The following KLRG1 variants were observed in gnomAD, a reference collection of about 807,000 sequenced individuals.
KLRG1 encodes killer cell lectin like receptor G1, also known as killer cell lectin-like receptor subfamily G member 1.
KLRG1 carries 16 observed loss-of-function variants against 21.8 expected under a neutral mutation model. The ratio of observed to expected loss-of-function variants is 0.73; its 90% CI spans 0.50 to 1.11. KLRG1 has a LOEUF of 1.11. Ranked by LOEUF, KLRG1 falls within the 50% of genes most tolerant of loss-of-function variation. The pLI, the probability that KLRG1 is intolerant of heterozygous loss-of-function variation, is 0.00. For missense variants in KLRG1, 173 were observed against 218.3 expected (o/e 0.79, Z 1.31); for synonymous variants, 69 against 75.9 (o/e 0.91, Z 0.47).
At chr12:9,179,427 C>T in the KLRG1 span, among the ~76,000 whole-genome samples, 1 of 152,104 alleles carries the variant, frequency 6.6e-6, no homozygotes, top group Non-Finnish European at 1.5e-5. Context: ...TAAATCATCA[C>T]GACATGCCAA....
chr12:9,139,627 T>C, the KLRG1 span, among the ~76,000 whole-genome samples: 1 of 152,364 alleles, frequency 6.6e-6, no homozygotes, highest in South Asian at 2.1e-4. Flanking sequence ...GATGCATATA[T>C]AATTGTAATT....
At chr12:9,106,191 A>G in the KLRG1 span, 3 of 1,114,568 alleles carry the variant, frequency 2.7e-6, no homozygotes, top group Non-Finnish European at 4.1e-6. Flanking sequence ...TGTGCTAATT[A>G]GGTAACAGTA....
At chr12:9,158,471 C>T in the KLRG1 span, 4 of 1,614,146 alleles carry the variant, frequency 2.5e-6, no homozygotes, top group Non-Finnish European at 2.5e-6. Flanking sequence ...AGCCATTGTC[C>T]TTCTGCATCT....
intron 1 of KLRG1, among the ~76,000 whole-genome samples, chr12:8,959,685 C>G (rs953127495): frequency 6.6e-6 from 1 of 152,044 alleles, no homozygotes; most frequent in Non-Finnish European, 1.5e-5. Flanking sequence ...GGGTACAACT[C>G]TATTTATGTA....
the KLRG1 span, among the ~76,000 whole-genome samples, chr12:9,184,509 C>A: frequency 6.6e-6 from 1 of 152,226 alleles, no homozygotes; most frequent in Non-Finnish European, 1.5e-5. Context: ...TGAATGCCTG[C>A]ACAAAGGCCA....
rs56318667 is a variant in KLRG1 at position 8,976,291 on chromosome 12, T to C, written c.-155-15915T>C. ...TCTTCTCATTTTATTAGTTATTGAT[T>C]TTTATTTCATTCCATTGTAATTGAA... On this transcript the variant is annotated intron_variant, in intron 1 of 4. Transcript: ENST00000539240. 5.5e-3 allele frequency among the ~76,000 whole-genome samples: 831 copies of C among 152,318 alleles called. 7 individuals are homozygous for C. Among genetic ancestry groups the C allele is most frequent in the African/African-American group, 0.019 (797 of 41,576 alleles).
At chr12:9,027,481 C>G in the KLRG1 span, 2 of 889,932 alleles carry the variant, frequency 2.2e-6, no homozygotes, top group Non-Finnish European at 3.5e-6. Context: ...TGTAGCTTCC[C>G]TGCCACTTCT....
In KLRG1 at chr12:9,010,462, T is replaced by C. The variant is rs1248460818; in HGVS notation, c.*925T>C. 6.3e-6 allele frequency: 1 copy of C among 159,964 alleles called. No individual in the cohort carries two copies. Among genetic ancestry groups the C allele is most frequent in the Non-Finnish European group, 1.4e-5 (1 of 73,176 alleles). The allele number at this position is 159,964 out of a possible 1,614,324, so 9.9% of individuals were successfully genotyped here. On this transcript the variant is annotated 3_prime_UTR_variant, in exon 5 of 5. Transcript: ENST00000356986. ...GAGGAAAGTTTACAGAAACAGTTTATGTGGTTGGATCACCAAATTATCTTA... is the reference window on the plus strand; with the variant it reads ...GAGGAAAGTTTACAGAAACAGTTTACGTGGTTGGATCACCAAATTATCTTA...
the KLRG1 span, among the ~76,000 whole-genome samples, chr12:9,094,645 C>G: frequency 6.6e-6 from 1 of 151,910 alleles, no homozygotes; most frequent in African/African-American, 2.4e-5. Flanking sequence ...GTGTGTGGTT[C>G]CAACATAAAT....
At chr12:8,988,667 G>A (rs1235498025), upstream of KLRG1, among the ~76,000 whole-genome samples, 8 of 151,888 alleles carry the variant, frequency 5.3e-5, no homozygotes, top group East Asian at 3.9e-4. Flanking sequence ...TGCAACCTCC[G>A]CCTCCCGGTT....
rs746892867 is a variant in KLRG1, at chr12:8,995,183, C to G, written c.252C>G (p.Asn84Lys). ...CAGACCGCTGGATGAAATATGGTAACCATTGTTATTATTTCTCAGTGGAGG... is the reference window on the plus strand; with the variant it reads ...CAGACCGCTGGATGAAATATGGTAAGCATTGTTATTATTTCTCAGTGGAGG... ...SCPDRWMKYGNHCYYFSVEEK... is the reference protein window; with the variant it reads ...SCPDRWMKYGKHCYYFSVEEK... Residue 84 changes from asparagine (N) to lysine (K), a missense_variant, in exon 3 of 5, where the codon AAC (asparagine) becomes AAG (lysine). This residue lies in a region of KLRG1 where 144 missense variants were observed against 161.5 expected (regional missense o/e 0.89). Coordinates refer to ENST00000356986, the MANE Select transcript of KLRG1 (RefSeq NM_005810.4). The G allele has an allele frequency of 1.2e-6, 2 of 1,613,690 alleles. No homozygotes were observed. The highest frequency in any genetic ancestry group is 8.5e-7 in the Non-Finnish European group (1 of 1,179,812).
the KLRG1 span, chr12:9,109,761 A>G: frequency 3.5e-6 from 4 of 1,144,712 alleles, no homozygotes; most frequent in East Asian, 4.8e-5. Context: ...TCCAAGCCCA[A>G]TGTCACCCAT....
chr12:9,182,850 A>T, the KLRG1 span, among the ~76,000 whole-genome samples: 4 of 152,176 alleles, frequency 2.6e-5, no homozygotes, highest in Non-Finnish European at 5.9e-5. Context: ...ATGACTGAAA[A>T]GTTTCTGAGA....
At chr12:9,011,881 G>A (rs113090048), downstream of KLRG1, among the ~76,000 whole-genome samples, 240 of 152,240 alleles carry the variant, frequency 1.6e-3, 1 homozygote, top group African/African-American at 5.5e-3. Flanking sequence ...AGCAGATAGC[G>A]ACATGGGACA....
At chr12:9,070,614 T>G in the KLRG1 span, 1 of 1,468,140 alleles carries the variant, frequency 6.8e-7, no homozygotes, top group Non-Finnish European at 9.5e-7. Context: ...TAGGGTTTTC[T>G]GTGTTTTTAA....
the KLRG1 span, chr12:9,200,279 A>T: frequency 1.1e-6 from 1 of 890,324 alleles, no homozygotes; most frequent in East Asian, 2.6e-5. Flanking sequence ...GTGCTGAGGC[A>T]AAGTAAATTT....
the KLRG1 span, chr12:9,127,842 A>G: frequency 4.2e-6 from 1 of 236,976 alleles, no homozygotes. Context: ...CTGAAGGTGA[A>G]GATCTGCGAC....
At chr12:9,050,182 T>C in the KLRG1 span, among the ~76,000 whole-genome samples, 1 of 152,238 alleles carries the variant, frequency 6.6e-6, no homozygotes, top group Non-Finnish European at 1.5e-5. Flanking sequence ...ATTTTGGCTC[T>C]CCCTAAGCGG....
the KLRG1 span, chr12:9,197,086 C>G: frequency 1.2e-6 from 2 of 1,613,450 alleles, no homozygotes; most frequent in Non-Finnish European, 8.5e-7. Context: ...CACAGGCTCA[C>G]AGTTGCAAGT....
Sources: allele counts gnomAD v4.1 joint callset (sites outside exome capture counted in the v4.1 genomes callset), GRCh38; gene constraint gnomAD v4.1.1; regional missense constraint gnomAD v4.1.1; transcripts MANE v1.5; gene names NCBI Gene and HGNC (gene_info 2026-07-23, HGNC 2026-07-21).